Variants in ADGRL2 observed in about 807,000 individuals in gnomAD.
ADGRL2 encodes calcium-independent alpha-latrotoxin receptor 2.
ADGRL2 carries 44 observed loss-of-function variants against 157.4 expected under a neutral mutation model. The observed-to-expected ratio is 0.28, with a 90% CI of 0.22 to 0.36. ADGRL2 has a LOEUF of 0.36. Among genes scored for constraint, ADGRL2 ranks in the 10% least tolerant of loss-of-function variants. The pLI, the probability that ADGRL2 is intolerant of heterozygous loss-of-function variation, is 1.00. For missense variants in ADGRL2, 1,510 were observed against 1,768.9 expected, an observed-to-expected ratio of 0.85 and a Z score of 2.63; for synonymous variants, 585 against 624.7, an observed-to-expected ratio of 0.94 and a Z score of 0.95.
At chr1:81,655,698 C>T (rs2082518604) in intron 3 of ADGRL2, among the ~76,000 whole-genome samples, 1 of 152,110 alleles carries the variant, frequency 6.6e-6, no homozygotes. Flanking sequence ...AAATTCTACC[C>T]ATTCCTATGA....
intron 1 of ADGRL2, among the ~76,000 whole-genome samples, chr1:81,339,973 T>C (rs902883167): frequency 6.6e-6 from 1 of 152,232 alleles, no homozygotes; most frequent in Non-Finnish European, 1.5e-5. Flanking sequence ...TTTACCTGTA[T>C]CTCTTGACCT....
chr1:81,394,553 T>C (rs1022942469), intron 1 of ADGRL2, among the ~76,000 whole-genome samples: 4 of 152,222 alleles, frequency 2.6e-5, no homozygotes, highest in Non-Finnish European at 5.9e-5. Flanking sequence ...TATTCTGTTG[T>C]ATGGTTGAAT....
At chr1:81,768,169 C>T (rs1012688299) in intron 2 of ADGRL2, among the ~76,000 whole-genome samples, 1 of 151,784 alleles carries the variant, frequency 6.6e-6, no homozygotes, top group Non-Finnish European at 1.5e-5. Flanking sequence ...CCTCAGCTTC[C>T]TGAGTAACTA....
chr1:81,979,175 T>C (rs1418265331), intron 17 of ADGRL2, among the ~76,000 whole-genome samples: 1 of 151,800 alleles, frequency 6.6e-6, no homozygotes, highest in African/African-American at 2.4e-5. Context: ...TCCATCTTCC[T>C]CATTTTGCTT....
At chr1:81,358,501 G>A (rs2075910129) in intron 1 of ADGRL2, among the ~76,000 whole-genome samples, 1 of 152,130 alleles carries the variant, frequency 6.6e-6, no homozygotes. Context: ...TTCAAAAACA[G>A]ATATGTGTGC....
intron 3 of ADGRL2, among the ~76,000 whole-genome samples, chr1:81,911,118 T>C (rs1156472964): frequency 6.6e-6 from 1 of 152,144 alleles, no homozygotes; most frequent in East Asian, 1.9e-4. Flanking sequence ...AATATTGTAT[T>C]CACTCTCCAT....
At chr1:81,838,222 A>G (rs2092382349) in intron 2 of ADGRL2, among the ~76,000 whole-genome samples, 1 of 152,000 alleles carries the variant, frequency 6.6e-6, no homozygotes, top group Admixed American at 6.6e-5. Context: ...ATATTTTATC[A>G]TGTTCTCCTT....
intron 3 of ADGRL2, among the ~76,000 whole-genome samples, chr1:81,626,643 C>A (rs1414076688): frequency 6.6e-6 from 1 of 152,186 alleles, no homozygotes; most frequent in Non-Finnish European, 1.5e-5. Context: ...TGTAAAAACA[C>A]ACGCGGGCAG....
At position 81,486,220 on chromosome 1, in the gene ADGRL2, C is replaced by T. The variant is rs532058189; in HGVS notation, c.-248+41131C>T. On this transcript the variant is annotated intron_variant, in intron 2 of 24. Transcript: ENST00000370721. Reference sequence around the variant, plus strand: ...AAAACCCCTATGTGCACATTTTTCTCTCTGGTCTTTGCTGTATTTCATAGA... The same window carrying T: ...AAAACCCCTATGTGCACATTTTTCTTTCTGGTCTTTGCTGTATTTCATAGA... Among the ~76,000 whole-genome samples the T allele has an allele frequency of 1.5e-4, 23 of 152,274 alleles. 1 individual carries two copies. The South Asian group carries it at 1.7e-3, about 11-fold the overall frequency.
intron 2 of ADGRL2, among the ~76,000 whole-genome samples, chr1:81,566,319 C>T (rs1397337411): frequency 6.6e-6 from 1 of 152,106 alleles, no homozygotes; most frequent in African/African-American, 2.4e-5. Flanking sequence ...ACCCCTCTAA[C>T]TAGAATCAAA....
chr1:81,915,807 C>T (rs1225650688), intron 3 of ADGRL2, among the ~76,000 whole-genome samples: 3 of 152,060 alleles, frequency 2.0e-5, no homozygotes, highest in East Asian at 1.9e-4. Context: ...TAGACGTGAA[C>T]GTGAACATTT....
upstream of ADGRL2, chr1:81,800,600 C>G (rs2087887821): frequency 6.6e-6 from 1 of 152,104 alleles, no homozygotes; most frequent in South Asian, 2.1e-4. Flanking sequence ...CCCCGAGCCG[C>G]TGGTCATCCC....
intron 1 of ADGRL2, among the ~76,000 whole-genome samples, chr1:81,386,382 CTT>C (rs959636136): frequency 6.6e-6 from 1 of 152,120 alleles, no homozygotes; most frequent in African/African-American, 2.4e-5. Context: ...CTCCATAATG[CTT>C]TCTCTTGCAG....
chr1:81,346,317 T>G (rs936321060), intron 1 of ADGRL2, among the ~76,000 whole-genome samples: 1 of 152,220 alleles, frequency 6.6e-6, no homozygotes, highest in Non-Finnish European at 1.5e-5. Context: ...GAACACCCAC[T>G]CCACATCTAC....
At chr1:81,873,583 A>G (rs2093754087) in intron 2 of ADGRL2, among the ~76,000 whole-genome samples, 1 of 152,148 alleles carries the variant, frequency 6.6e-6, no homozygotes, top group Non-Finnish European at 1.5e-5. Flanking sequence ...GGTAATCAGA[A>G]CAGTTTTAGA....
intron 1 of ADGRL2, among the ~76,000 whole-genome samples, chr1:81,819,229 G>C (rs2149813272): frequency 6.6e-6 from 1 of 152,232 alleles, no homozygotes; most frequent in African/African-American, 2.4e-5. Flanking sequence ...GATATGAGAA[G>C]TTTTGTAATG....
At chr1:81,771,635 A>G (rs1029934092) in intron 2 of ADGRL2, among the ~76,000 whole-genome samples, 9 of 152,210 alleles carry the variant, frequency 5.9e-5, no homozygotes, top group African/African-American at 1.4e-4. Flanking sequence ...TGGTCTAAAG[A>G]GTCCAAGATA....
At chr1:81,535,556 G>A (rs560924895) in intron 2 of ADGRL2, among the ~76,000 whole-genome samples, 80 of 152,204 alleles carry the variant, frequency 5.3e-4, no homozygotes, top group Non-Finnish European at 1.1e-3. Flanking sequence ...GTAGAAGGGA[G>A]GAGGGGAAGT....
At chr1:81,853,871 CT>C (rs1201881235) in intron 2 of ADGRL2, among the ~76,000 whole-genome samples, 1 of 152,056 alleles carries the variant, frequency 6.6e-6, no homozygotes, top group Non-Finnish European at 1.5e-5. Context: ...TTACTAAATA[CT>C]GCTCAAATTA....
Sources: gnomAD v4.1 joint callset for allele counts (sites outside exome capture counted in the v4.1 genomes callset) on GRCh38, gnomAD v4.1.1 for gene constraint, MANE v1.5 for transcripts, NCBI Gene and HGNC (gene_info 2026-07-23, HGNC 2026-07-21) for gene names.